The following HIPK1 variants were observed in gnomAD, a reference collection of about 807,000 sequenced individuals.
HIPK1 encodes the protein homeodomain-interacting protein kinase 1.
HIPK1 carries 28 observed loss-of-function variants against 117.1 expected under a neutral mutation model. The observed-to-expected ratio is 0.24, with a 90% CI of 0.18 to 0.33. The LOEUF (loss-of-function observed/expected upper bound fraction) is 0.33, where lower values mean the gene tolerates loss of function less well. Ranked by LOEUF, HIPK1 falls within the 10% of genes least tolerant of loss-of-function variation. The pLI is 1.00. For missense variants in HIPK1, 1,122 were observed against 1,475.1 expected (o/e 0.76, Z 3.92); for synonymous variants, 605 against 562.5 (o/e 1.08, Z -1.07).
intron 1 of HIPK1, 55 bp downstream of exon 1, chr1:113,929,587 G>T (rs1167581048): frequency 8.1e-7 from 1 of 1,231,458 alleles, no homozygotes; most frequent in African/African-American, 1.5e-5. Context: ...GGGCCGGCCG[G>T]GTTGAGGGAC....
At chr1:113,970,371 C>T (rs1672739988) in intron 14 of HIPK1, among the ~76,000 whole-genome samples, 174 bp downstream of exon 14, 1 of 152,194 alleles carries the variant, frequency 6.6e-6, no homozygotes, top group Non-Finnish European at 1.5e-5. Flanking sequence ...TTGGCCATCA[C>T]TTTATCTTCC....
rs1194301117 is a variant in HIPK1, at chr1:113,973,499, A to G, written c.3620A>G (p.Tyr1207Cys). 2.5e-6 allele frequency: 4 copies of G among 1,585,068 alleles called. No homozygotes were observed. Among genetic ancestry groups the G allele is most frequent in the Non-Finnish European group, 2.6e-6 (3 of 1,162,678 alleles). Residue 1207 changes from tyrosine to cysteine, a missense_variant, in exon 16 of 16, where the codon TAT (tyrosine) becomes TGT (cysteine). Coordinates refer to ENST00000426820, the MANE Select transcript of HIPK1 (RefSeq NM_198268.3). The part of the protein sequence containing the change: ...YPLSPTKISQ[Y>C]SYL Reference sequence around the variant, plus strand: ...CTGAGTCCTACCAAGATCAGCCAGTATTCCTACTTATAGTTGGTGAGCATG... The same window carrying G: ...CTGAGTCCTACCAAGATCAGCCAGTGTTCCTACTTATAGTTGGTGAGCATG...
At chr1:113,954,516 A>G in intron 3 of HIPK1, 135 bp from the exon 4 acceptor site, 1 of 832,280 alleles carries the variant, frequency 1.2e-6, no homozygotes, top group Admixed American at 2.6e-5. Flanking sequence ...ATAGGTATTT[A>G]CAGATAAATT....
Position 113,941,175 on chromosome 1 carries a change from C to G in HIPK1, c.792C>G (p.Thr264=). ...AGTGCTTTCAGCATAAGAATCACAC[C>G]TGCCTTGTTTTTGAAATGTTGGAGC... ...SYECFQHKNH[T]CLVFEMLEQN... Residue 264 remains threonine, a synonymous_variant, in exon 2 of 16, where the codon ACC becomes ACG. Transcript: ENST00000426820. This position sits in a 1 kb window ranked among gnomAD's most constrained non-coding sequence, Gnocchi z 4.9. 1.2e-6 allele frequency: 2 copies of G among 1,614,204 alleles called. No homozygotes were observed. Among genetic ancestry groups the G allele is most frequent in the South Asian group, 1.1e-5 (1 of 91,088 alleles).
At position 113,973,035 on chromosome 1, in the gene HIPK1, A is replaced by G; in HGVS notation, c.3156A>G (p.Ser1052=). The change falls in exon 16 of 16, where the codon TCA becomes TCG. Residue 1052 remains serine, a synonymous_variant. Transcript: ENST00000426820. ...QPLNLSQNQQ[S]SAAPTSQERS... ...CTTCTTTCTTCCAGAACCAGCAGTC[A>G]TCGGCGGCTCCAACCTCACAGGAGA... The G allele has an allele frequency of 6.6e-7, 1 of 1,516,180 alleles. No individual in the cohort carries two copies. The highest frequency in any genetic ancestry group is 8.8e-7 in the Non-Finnish European group (1 of 1,132,772). The allele number at this position is 1,516,180 out of a possible 1,614,324, so 93.9% of individuals were successfully genotyped here. A position where few individuals can be genotyped will look rare whatever the true frequency, so the allele number is the denominator to read the frequency against.
At chr1:113,933,329 T>G in intron 1 of HIPK1, 20 of 307,988 alleles carry the variant, frequency 6.5e-5, no homozygotes, top group South Asian at 2.5e-4. Context: ...AGGCAAGGTC[T>G]ATTGTGGGAA....
chr1:113,941,524 C>A lies in HIPK1; in HGVS notation c.1076+65C>A. On this transcript the variant is annotated intron_variant, in intron 2 of 15. Coordinates refer to ENST00000426820, the MANE Select transcript of HIPK1 (RefSeq NM_198268.3). This position sits in a 1 kb window ranked among gnomAD's most constrained non-coding sequence, Gnocchi z 4.9. The stretch of plus-strand genomic sequence containing the variant: ...TTCTGTCCTTATATTTAACATATAC[C>A]CCGTAGGCTACATATAGCAATGAAT... The A allele has an allele frequency of 1.6e-6, 2 of 1,214,690 alleles. No homozygotes were observed. The highest frequency in any genetic ancestry group is 2.3e-5 in the East Asian group (1 of 42,804). The allele number at this position is 1,214,690 out of a possible 1,614,324, so 75.2% of individuals were successfully genotyped here.
At position 113,976,740 on chromosome 1, in the gene HIPK1, G is replaced by A. The variant is rs1673154104; in HGVS notation, c.*3228G>A. ...GGGGTTAGCCCTGTTGGCCCTGACA[G>A]GAAGGGAGGAAGCCTGGTGAATTTA... On this transcript the variant is annotated 3_prime_UTR_variant, in exon 16 of 16. Coordinates refer to ENST00000426820, the MANE Select transcript of HIPK1 (RefSeq NM_198268.3). 1 of 152,864 alleles carries A rather than the reference G, an allele frequency of 6.5e-6. No individual in the cohort carries two copies. The highest frequency in any genetic ancestry group is 2.1e-4 in the South Asian group (1 of 4,838). 9.5% of individuals were successfully genotyped at this position (152,864 alleles called of 1,614,324 possible). A position where few individuals can be genotyped will look rare whatever the true frequency, so the allele number is the denominator to read the frequency against.
chr1:113,949,010 G>A lies in HIPK1; in HGVS notation c.1077-3756G>A, dbSNP rs148579735. ...CTGCCACCATGCCCAGCTAATTTTT[G>A]TATTTTTAGTAGAGACTGGGTTTCA... On this transcript the variant is annotated intron_variant, in intron 2 of 15. Transcript: ENST00000426820. Among the ~76,000 whole-genome samples the A allele has an allele frequency of 7.6e-4, 116 of 152,062 alleles. 1 individual carries two copies. Among genetic ancestry groups the A allele is most frequent in the Admixed American group, 3.1e-3 (48 of 15,272 alleles).
chr1:113,970,725 G>A (rs1169582147), intron 14 of HIPK1, among the ~76,000 whole-genome samples: 1 of 152,170 alleles, frequency 6.6e-6, no homozygotes, highest in African/African-American at 2.4e-5. Context: ...TTTAGTTATT[G>A]TGTTAGTTGG....
chr1:113,950,102 A>G (rs775955877), intron 2 of HIPK1, among the ~76,000 whole-genome samples: 12 of 152,164 alleles, frequency 7.9e-5, no homozygotes, highest in Non-Finnish European at 1.6e-4. Flanking sequence ...CTATTTATGT[A>G]TAAATACTAG....
chr1:113,951,268 G>A, intron 2 of HIPK1: 4 of 984,658 alleles, frequency 4.1e-6, no homozygotes, highest in Non-Finnish European at 4.8e-6. Context: ...ATTCCACCAT[G>A]TCAAATATAA....
chr1:113,930,107 C>G (rs1669761320), intron 1 of HIPK1, among the ~76,000 whole-genome samples: 1 of 152,216 alleles, frequency 6.6e-6, no homozygotes. Flanking sequence ...GCGGCCCGGC[C>G]GCTCACTGCC....
intron 1 of HIPK1, among the ~76,000 whole-genome samples, chr1:113,939,812 T>C (rs1225184767): frequency 7.9e-5 from 12 of 152,134 alleles, no homozygotes; most frequent in Admixed American, 7.9e-4. Context: ...CAGTTTAATC[T>C]GTGGGCTTAT....
intron 2 of HIPK1, among the ~76,000 whole-genome samples, chr1:113,946,529 G>A (rs1328618187): frequency 1.3e-5 from 2 of 152,174 alleles, no homozygotes; most frequent in South Asian, 2.1e-4. Context: ...TTTCTGTAAT[G>A]TGTAATTCAT....
At position 113,954,863 on chromosome 1, in the gene HIPK1, G is replaced by C. The variant is rs182024489; in HGVS notation, c.1320+93G>C. 6,640 of 1,198,906 alleles carry C rather than the reference G, an allele frequency of 5.5e-3. 30 individuals are homozygous for C. Among genetic ancestry groups the C allele is most frequent in the Non-Finnish European group, 6.9e-3 (5,746 of 836,670 alleles). The allele number at this position is 1,198,906 out of a possible 1,614,324, so 74.3% of individuals were successfully genotyped here. A position where few individuals can be genotyped will look rare whatever the true frequency, so the allele number is the denominator to read the frequency against. On this transcript the variant is annotated intron_variant, in intron 4 of 15. Coordinates refer to ENST00000426820, the MANE Select transcript of HIPK1 (RefSeq NM_198268.3). ...GTTTAGTTATTAAATTCTTCAGGTAGAGAAGGGAAAGGAGAGGGGGAAGCA... is the reference window on the plus strand; with the variant it reads ...GTTTAGTTATTAAATTCTTCAGGTACAGAAGGGAAAGGAGAGGGGGAAGCA...
intron 1 of HIPK1, chr1:113,929,847 A>G (rs1669726587): frequency 3.0e-6 from 3 of 987,576 alleles, no homozygotes; most frequent in Non-Finnish European, 3.6e-6. Flanking sequence ...CGCGGGGGGT[A>G]TGATGACCCG....
At chr1:113,954,507 T>C in intron 3 of HIPK1, 144 bp from the exon 4 acceptor site, 2 of 752,768 alleles carry the variant, frequency 2.7e-6, no homozygotes. Flanking sequence ...TTAGTATATA[T>C]AGGTATTTAC....
rs150134980 is a variant in HIPK1 at position 113,949,905 on chromosome 1, T to G, written c.1077-2861T>G. ...ATGAGCCACCGCACCCGGCCAGTTATTTCTTTGGTAAACAAAACCACAGTT... is the reference window on the plus strand; with the variant it reads ...ATGAGCCACCGCACCCGGCCAGTTAGTTCTTTGGTAAACAAAACCACAGTT... On this transcript the variant is annotated intron_variant, in intron 2 of 15. Transcript: ENST00000426820. Among the ~76,000 whole-genome samples the G allele has an allele frequency of 2.0e-5, 3 of 152,322 alleles. No individual in the cohort carries two copies. In the East Asian group the frequency reaches 5.8e-4, roughly 29 times the overall value.
Sources: gnomAD v4.1 joint callset for allele counts (sites outside exome capture counted in the v4.1 genomes callset) on GRCh38, gnomAD v4.1.1 for gene constraint, Gnocchi (gnomAD v3.1) non-coding constraint, MANE v1.5 for transcripts, NCBI Gene and HGNC (gene_info 2026-07-23, HGNC 2026-07-21) for gene names.